Variants in DNAH6 observed in about 807,000 individuals in gnomAD.
The protein encoded by DNAH6 is axonemal beta dynein heavy chain 6.
Under a neutral mutation model 491.4 loss-of-function variants are expected in DNAH6, and 340 were observed. That is an observed-to-expected ratio of 0.69 (90% confidence interval 0.63 to 0.76). The LOEUF (loss-of-function observed/expected upper bound fraction) is 0.76, where lower values mean the gene tolerates loss of function less well. DNAH6 is among the 30% of genes least tolerant of loss of function. The probability of loss-of-function intolerance (pLI) is 0.00; values close to 1 mark genes in which losing one functional copy is unlikely to be tolerated. For missense variants in DNAH6, 4,443 were observed against 4,972.2 expected (o/e 0.89, Z 3.20); for synonymous variants, 1,603 against 1,686.1 (o/e 0.95, Z 1.21).
Position 84,550,051 on chromosome 2 carries a change from T to A in DNAH6, c.1479T>A (p.Asp493Glu). ...WITEEKPEVPDKKGTLMVEKQ... is the reference protein window; with the variant it reads ...WITEEKPEVPEKKGTLMVEKQ... ...CTGAAGAGAAGCCTGAAGTCCCTGA[T>A]AAAAAGGTATACTCACACAAAATTA... The change falls in exon 9 of 77, where the codon GAT (aspartate) becomes GAA (glutamate). Residue 493 changes from aspartate (D) to glutamate (E), a missense_variant. This residue lies in a region of DNAH6 where 2,977 missense variants were observed against 3,296.6 expected (regional missense o/e 0.90). Coordinates refer to ENST00000389394, the MANE Select transcript of DNAH6 (RefSeq NM_001370.2). 1 of 1,611,680 alleles carries A rather than the reference T, an allele frequency of 6.2e-7. No homozygotes were observed. The highest frequency in any genetic ancestry group is 8.5e-7 in the Non-Finnish European group (1 of 1,178,672).
chr2:84,541,102 C>G (rs974059441), intron 4 of DNAH6, among the ~76,000 whole-genome samples: 2 of 152,142 alleles, frequency 1.3e-5, no homozygotes, highest in East Asian at 1.9e-4. Flanking sequence ...AAACCACTCT[C>G]TAGGAGGCAG....
the DNAH6 span, among the ~76,000 whole-genome samples, chr2:84,488,759 T>TATTTACAC: frequency 5.3e-5 from 8 of 152,216 alleles, no homozygotes; most frequent in Admixed American, 4.6e-4. Flanking sequence ...TAAGGAGACA[T>TATTTACAC]ATTTACACAT....
intron 54 of DNAH6, among the ~76,000 whole-genome samples, chr2:84,708,564 GAA>G (rs1243362620): frequency 2.0e-5 from 3 of 148,710 alleles, no homozygotes; most frequent in East Asian, 2.0e-4. Flanking sequence ...AGGAAGGAAA[GAA>G]AGAGGGAAGG....
chr2:84,722,559 A>G, intron 59 of DNAH6, 66 bp from the exon 60 acceptor site: 5 of 1,327,466 alleles, frequency 3.8e-6, no homozygotes, highest in Non-Finnish European at 5.1e-6. Flanking sequence ...AACTGGATAC[A>G]TTCCAGAAGT....
intron 51 of DNAH6, 136 bp from the exon 52 acceptor site, chr2:84,705,350 A>T (rs1174331486): frequency 4.5e-6 from 4 of 894,634 alleles, no homozygotes; most frequent in Non-Finnish European, 6.4e-6. Flanking sequence ...CTAACTACCA[A>T]TTACTAAAAT....
intron 46 of DNAH6, among the ~76,000 whole-genome samples, chr2:84,695,043 T>C (rs1480893877): frequency 6.6e-6 from 1 of 152,156 alleles, no homozygotes; most frequent in Non-Finnish European, 1.5e-5. Context: ...ATTTGATGCA[T>C]AAATGTTTTA....
At chr2:84,549,865 G>C (rs1271948209) in intron 8 of DNAH6, 24 bp from the exon 9 acceptor site, 2 of 1,566,560 alleles carry the variant, frequency 1.3e-6, no homozygotes, top group African/African-American at 1.4e-5. Flanking sequence ...AACCGAAATT[G>C]TATTAGTTTT....
At chr2:84,669,549 G>C in intron 38 of DNAH6, 39 bp downstream of exon 38, 2 of 1,487,716 alleles carry the variant, frequency 1.3e-6, no homozygotes, top group Non-Finnish European at 1.8e-6. Flanking sequence ...CTCTCCAAAT[G>C]TGAGGGCATG....
rs1696812088 is a variant in DNAH6, at chr2:84,709,283, T to A, written c.9049-60T>A. ...TTACCACTGCCCACCACATTTTGCATGTGCCCTCGTTTACTGAGTGTTCCT... is the reference window on the plus strand; with the variant it reads ...TTACCACTGCCCACCACATTTTGCAAGTGCCCTCGTTTACTGAGTGTTCCT... On this transcript the variant is annotated intron_variant, in intron 54 of 76. Transcript: ENST00000389394. 4 of 1,516,394 alleles carry A rather than the reference T, an allele frequency of 2.6e-6. No homozygotes were observed. In the South Asian group the frequency reaches 3.6e-5, roughly 14 times the overall value. The allele number at this position is 1,516,394 out of a possible 1,614,324, so 93.9% of individuals were successfully genotyped here.
rs1352015023 is a variant in DNAH6 at position 84,681,492 on chromosome 2, G to A, written c.6880G>A (p.Val2294Ile). 21 of 1,550,118 alleles carry A rather than the reference G, an allele frequency of 1.4e-5. No homozygotes were observed. Among genetic ancestry groups the A allele is most frequent in the Non-Finnish European group, 1.8e-5 (21 of 1,146,476 alleles). ...GCCAACACCCGCCAAGTCCCATTAT[G>A]TCTTTAACTTGAGGGACTTATCCAA... The part of the protein sequence containing the change: ...LLPTPAKSHY[V>I]FNLRDLSKCV... The change falls in exon 42 of 77, where the codon GTC becomes ATC. Residue 2294 changes from valine (V) to isoleucine (I), a missense_variant. By Grantham distance (29) the Val-to-Ile change is conservative (BLOSUM62 3). Around this residue, in one of 3 missense-constraint regions of DNAH6, gnomAD observed 2,977 missense variants for 3,296.6 expected, o/e 0.90. Transcript: ENST00000389394.
rs532886755 is a variant in DNAH6 at position 84,669,332 on chromosome 2, A to G, written c.6128A>G (p.Asp2043Gly). ...GDLWSIHMDFDTKRLDPWERI... is the reference protein window; with the variant it reads ...GDLWSIHMDFGTKRLDPWERI... ...CTGTGGAGCATTCATATGGACTTTG[A>G]CACCAAACGGCTGGATCCCTGGGAA... is the stretch of plus-strand genomic sequence containing the variant. The change falls in exon 38 of 77, where the codon GAC becomes GGC. Residue 2043 changes from aspartate to glycine, a missense_variant. By Grantham distance (94) the Asp-to-Gly change is moderately conservative (BLOSUM62 -1). Coordinates refer to ENST00000389394, the MANE Select transcript of DNAH6 (RefSeq NM_001370.2). 2 of 1,549,980 alleles carry G rather than the reference A, an allele frequency of 1.3e-6. No homozygotes were observed. Among genetic ancestry groups the G allele is most frequent in the African/African-American group, 1.4e-5 (1 of 73,100 alleles).
chr2:84,533,869 T>G (rs1677419305), intron 4 of DNAH6, among the ~76,000 whole-genome samples: 1 of 152,156 alleles, frequency 6.6e-6, no homozygotes, highest in African/African-American at 2.4e-5. Flanking sequence ...TCCAGAACTA[T>G]GTGACAGAAG....
chr2:84,753,951 A>C (rs1217186548), intron 63 of DNAH6, among the ~76,000 whole-genome samples: 1 of 150,912 alleles, frequency 6.6e-6, no homozygotes, highest in Non-Finnish European at 1.5e-5. Context: ...CAGCCTCCCA[A>C]GTAGCTGGGA....
At chr2:84,730,078 G>C (rs1698998836) in intron 61 of DNAH6, among the ~76,000 whole-genome samples, 1 of 151,976 alleles carries the variant, frequency 6.6e-6, no homozygotes, top group Admixed American at 6.5e-5. Context: ...TGGGAGGAGA[G>C]AGAGGAAGGA....
chr2:84,781,977 A>G (rs1676740197), intron 65 of DNAH6, among the ~76,000 whole-genome samples: 2 of 152,216 alleles, frequency 1.3e-5, no homozygotes, highest in African/African-American at 2.4e-5. Context: ...AGGAAATTAA[A>G]TCCTTCCCTA....
At position 84,710,383 on chromosome 2, in the gene DNAH6, C is replaced by T. The variant is rs770320874; in HGVS notation, c.9349C>T (p.Arg3117Ter). Residue 3117 changes from arginine (R) to a stop codon, truncating the protein, a stop_gained, in exon 56 of 77, where the codon CGA becomes TGA. Transcript: ENST00000389394. LOFTEE classifies it high-confidence loss of function. Reference protein sequence around the residue: ...NFLRILENSIRLGLPVLLEEL... With the variant: ...NFLRILENSI ...CTTACGAATACTCGAGAATTCAATC[C>T]GACTTGGTTTACCTGTCTTACTGGA... The T allele has an allele frequency of 1.0e-5, 16 of 1,551,576 alleles. No homozygotes were observed. The highest frequency in any genetic ancestry group is 3.9e-5 in the Admixed American group (2 of 50,960).
intron 62 of DNAH6, among the ~76,000 whole-genome samples, chr2:84,739,025 T>A (rs1472027672): frequency 2.0e-5 from 3 of 152,166 alleles, no homozygotes; most frequent in Non-Finnish European, 4.4e-5. Flanking sequence ...GTAGGGCCAG[T>A]CTGGTGGTGG....
intron 40 of DNAH6, among the ~76,000 whole-genome samples, 185 bp from the exon 41 acceptor site, chr2:84,676,820 T>C (rs999658659): frequency 6.6e-6 from 1 of 152,196 alleles, no homozygotes; most frequent in African/African-American, 2.4e-5. Flanking sequence ...AGGGCCTTGG[T>C]TTTTTAATCT....
At chr2:84,558,228 CCAT>C (rs909198722) in intron 11 of DNAH6, among the ~76,000 whole-genome samples, 9 of 151,964 alleles carry the variant, frequency 5.9e-5, no homozygotes, top group African/African-American at 2.2e-4. Context: ...GAGATCGAGA[CCAT>C]CCTGGCTAAC....
Sources: gnomAD v4.1 joint callset for allele counts (sites outside exome capture counted in the v4.1 genomes callset) on GRCh38, gnomAD v4.1.1 for gene constraint, gnomAD v4.1.1 regional missense constraint, MANE v1.5 for transcripts, NCBI Gene and HGNC (gene_info 2026-07-23, HGNC 2026-07-21) for gene names.